The following NRSN1 variants were observed in gnomAD, a reference collection of about 807,000 sequenced individuals.
NRSN1 encodes neurensin 1.
NRSN1 carries 14 observed loss-of-function variants against 17.3 expected under a neutral mutation model. That is an observed-to-expected ratio of 0.81 (90% CI 0.54 to 1.27). The LOEUF (loss-of-function observed/expected upper bound fraction) is 1.27, where lower values mean the gene tolerates loss of function less well. Among genes scored for constraint, NRSN1 ranks in the 50% most tolerant of loss-of-function variants. The pLI, the probability that NRSN1 is intolerant of heterozygous loss-of-function variation, is 0.00. For missense variants in NRSN1, 209 were observed against 235.9 expected (o/e 0.89, Z 0.75); for synonymous variants, 79 against 94.2 (o/e 0.84, Z 0.93).
Position 24,146,088 on chromosome 6 carries a change from C to A in NRSN1, c.*142C>A. 1.1e-6 allele frequency: 1 copy of A among 878,658 alleles called. No individual in the cohort carries two copies. The highest frequency in any genetic ancestry group is 1.9e-6 in the Non-Finnish European group (1 of 521,738). 54.4% of individuals were successfully genotyped at this position (878,658 alleles called of 1,614,324 possible). A position where few individuals can be genotyped will look rare whatever the true frequency, so the allele number is the denominator to read the frequency against. On this transcript the variant is annotated 3_prime_UTR_variant, in exon 4 of 4. Transcript: ENST00000378491. ...GGGCAATATAATGGGTGGACTCACA[C>A]TTGCTCAGTTCAGGCAGCTCTGCTG...
At chr6:24,127,982 A>G (rs1486719158) in intron 1 of NRSN1, 146 bp from the exon 2 acceptor site, 4 of 152,222 alleles carry the variant, frequency 2.6e-5, no homozygotes, top group African/African-American at 9.6e-5. Flanking sequence ...TTTGTTTTTT[A>G]GAAAGCTATC....
rs147031514 is a variant in NRSN1 at position 24,137,263 on chromosome 6, A to T, written c.189+2747A>T. Among the ~76,000 whole-genome samples, 555 of 152,332 alleles carry T rather than the reference A, an allele frequency of 3.6e-3. 1 individual carries two copies. The highest frequency in any genetic ancestry group is 5.7e-3 in the Non-Finnish European group (385 of 68,034). On this transcript the variant is annotated intron_variant, in intron 3 of 3. Transcript: ENST00000378491. ...AGGAGATTGAAATCAAATGGGTCTGAGTTAGAATCTTTATTGCATGCATCT... is the reference window on the plus strand; with the variant it reads ...AGGAGATTGAAATCAAATGGGTCTGTGTTAGAATCTTTATTGCATGCATCT...
At chr6:24,135,759 T>C (rs1007972767) in intron 3 of NRSN1, among the ~76,000 whole-genome samples, 1 of 152,170 alleles carries the variant, frequency 6.6e-6, no homozygotes, top group East Asian at 1.9e-4. Context: ...ATAGAATCTA[T>C]ACAAGGCACT....
chr6:24,139,662 T>C (rs1226513677), intron 3 of NRSN1, among the ~76,000 whole-genome samples: 1 of 151,810 alleles, frequency 6.6e-6, no homozygotes, highest in Non-Finnish European at 1.5e-5. Context: ...CAGGCTGGAG[T>C]TGGAGGTTTG....
intron 3 of NRSN1, among the ~76,000 whole-genome samples, chr6:24,136,996 A>T (rs57625244): frequency 0.072 from 10,957 of 152,258 alleles, 544 homozygotes; most frequent in East Asian, 0.17. Context: ...TTGTACCAAC[A>T]CAGGAAAAAG....
Position 24,145,238 on chromosome 6 carries a change from G to C in NRSN1, c.190-310G>C, listed in dbSNP as rs151151288. On this transcript the variant is annotated intron_variant, in intron 3 of 3. Coordinates refer to ENST00000378491, the MANE Select transcript of NRSN1 (RefSeq NM_080723.5). The surrounding 1 kb of genome is among the most constrained non-coding windows in gnomAD (Gnocchi z 4.4). Reference sequence around the variant, plus strand: ...AATATAAAGATTATATATATCTTTAGATAATATAAAGATTATATATATATC... The same window carrying C: ...AATATAAAGATTATATATATCTTTACATAATATAAAGATTATATATATATC... 7.0e-3 allele frequency among the ~76,000 whole-genome samples: 1,005 copies of C among 143,912 alleles called. 14 individuals carry two copies. The highest frequency in any genetic ancestry group is 0.023 in the African/African-American group (904 of 39,388). 94.4% of individuals were successfully genotyped at this position (143,912 alleles called of 152,430 possible).
chr6:24,143,482 G>A (rs1347190891), intron 3 of NRSN1, among the ~76,000 whole-genome samples: 1 of 152,136 alleles, frequency 6.6e-6, no homozygotes, highest in Non-Finnish European at 1.5e-5. Flanking sequence ...TGATAGATTT[G>A]TGGATACGTT....
intron 3 of NRSN1, among the ~76,000 whole-genome samples, chr6:24,139,603 T>G (rs1760170083): frequency 6.6e-6 from 1 of 152,190 alleles, no homozygotes; most frequent in African/African-American, 2.4e-5. Flanking sequence ...TTTCTGTAGA[T>G]TTTCCTGTTG....
Position 24,147,284 on chromosome 6 carries a change from T to C in NRSN1, c.*1338T>C, listed in dbSNP as rs1581555220. 6.6e-6 allele frequency: 1 copy of C among 152,298 alleles called. No individual in the cohort carries two copies. The highest frequency in any genetic ancestry group is 1.9e-4 in the East Asian group (1 of 5,186). 9.4% of individuals were successfully genotyped at this position (152,298 alleles called of 1,614,324 possible). A position where few individuals can be genotyped will look rare whatever the true frequency, so the allele number is the denominator to read the frequency against. ...CATCACTTGCACTTTTGTTTTAATGTATGGATTCAGATTAGACTGAGAAAA... is the reference window on the plus strand; with the variant it reads ...CATCACTTGCACTTTTGTTTTAATGCATGGATTCAGATTAGACTGAGAAAA... On this transcript the variant is annotated 3_prime_UTR_variant, in exon 4 of 4. Coordinates refer to ENST00000378491, the MANE Select transcript of NRSN1 (RefSeq NM_080723.5).
At chr6:24,135,231 CAG>C (rs1760098778) in intron 3 of NRSN1, among the ~76,000 whole-genome samples, 3 of 152,106 alleles carry the variant, frequency 2.0e-5, no homozygotes, top group Non-Finnish European at 4.4e-5. Context: ...CTATGGATGA[CAG>C]GGGGTGATGG....
rs187460886 is a variant in NRSN1 at position 24,132,444 on chromosome 6, A to G, written c.-9-1875A>G. Among the ~76,000 whole-genome samples the G allele has an allele frequency of 2.0e-3, 305 of 152,320 alleles. 2 individuals carry two copies. The South Asian group carries it at 0.033, about 17-fold the overall frequency. On this transcript the variant is annotated intron_variant, in intron 2 of 3. Transcript: ENST00000378491. ...CCTCTGTTGGCCTGGATTACAGCAC[A>G]AGCTCTGAGAAAACCTGGCTTAATA...
intron 3 of NRSN1, among the ~76,000 whole-genome samples, chr6:24,139,991 G>A (rs1760177096): frequency 1.3e-5 from 2 of 152,214 alleles, no homozygotes; most frequent in Admixed American, 1.3e-4. Flanking sequence ...AGCAAAGCAG[G>A]TTGACAGTGA....
chr6:24,136,180 T>C (rs913388740), intron 3 of NRSN1, among the ~76,000 whole-genome samples: 1 of 152,222 alleles, frequency 6.6e-6, no homozygotes, highest in African/African-American at 2.4e-5. Flanking sequence ...TTAAATGAGA[T>C]AGTATTTACA....
chr6:24,144,179 C>T (rs1760262912), intron 3 of NRSN1, among the ~76,000 whole-genome samples: 1 of 152,208 alleles, frequency 6.6e-6, no homozygotes, highest in Non-Finnish European at 1.5e-5. Flanking sequence ...TGGGGATCAG[C>T]TCTGTGGGTT....
chr6:24,145,658 G>C lies in NRSN1; in HGVS notation c.300G>C (p.Val100=). The change falls in exon 4 of 4, where the codon GTG becomes GTC. Residue 100 remains valine, a synonymous_variant. Coordinates refer to ENST00000378491, the MANE Select transcript of NRSN1 (RefSeq NM_080723.5). The surrounding 1 kb of genome is among the most constrained non-coding windows in gnomAD (Gnocchi z 4.4). ...IEAFGEADFV[V]VDTHAVQFNS... ...CATTTGGCGAAGCCGATTTTGTGGT[G>C]GTCGACACACATGCTGTCCAGTTTA... The C allele has an allele frequency of 6.2e-7, 1 of 1,614,112 alleles. No individual in the cohort carries two copies. The highest frequency in any genetic ancestry group is 8.5e-7 in the Non-Finnish European group (1 of 1,179,980).
intron 3 of NRSN1, chr6:24,141,331 A>G (rs1318073584): frequency 1.8e-6 from 2 of 1,088,384 alleles, no homozygotes; most frequent in African/African-American, 1.6e-5. Context: ...AGTACTCAGC[A>G]TGGTACCAAG....
rs764026713 is a variant in NRSN1 at position 24,145,661 on chromosome 6, C to G, written c.303C>G (p.Val101=). ...EAFGEADFVV[V]DTHAVQFNSA... ...TTGGCGAAGCCGATTTTGTGGTGGT[C>G]GACACACATGCTGTCCAGTTTAACA... The change falls in exon 4 of 4, where the codon GTC becomes GTG. Residue 101 remains valine, a synonymous_variant. Coordinates refer to ENST00000378491, the MANE Select transcript of NRSN1 (RefSeq NM_080723.5). This position sits in a 1 kb window ranked among gnomAD's most constrained non-coding sequence, Gnocchi z 4.4. 1 of 1,614,014 alleles carries G rather than the reference C, an allele frequency of 6.2e-7. No individual in the cohort carries two copies. Among genetic ancestry groups the G allele is most frequent in the East Asian group, 2.2e-5 (1 of 44,872 alleles).
chr6:24,142,402 G>T (rs182199070), intron 3 of NRSN1, among the ~76,000 whole-genome samples: 118 of 152,056 alleles, frequency 7.8e-4, no homozygotes, highest in African/African-American at 2.7e-3. Flanking sequence ...ACACAGATCT[G>T]GGTTAGAACT....
rs1427648183 is a variant in NRSN1 at position 24,145,605 on chromosome 6, G to A, written c.247G>A (p.Gly83Ser). 3 of 1,612,896 alleles carry A rather than the reference G, an allele frequency of 1.9e-6. No individual in the cohort carries two copies. Among genetic ancestry groups the A allele is most frequent in the Non-Finnish European group, 2.5e-6 (3 of 1,179,344 alleles). Residue 83 changes from glycine (G) to serine (S), a missense_variant, in exon 4 of 4, where the codon GGC (glycine) becomes AGC (serine). Gly to Ser is a moderately conservative substitution (Grantham distance 56). Transcript: ENST00000378491. This position sits in a 1 kb window ranked among gnomAD's most constrained non-coding sequence, Gnocchi z 4.4. Reference protein sequence around the residue: ...VILGLTVLAVGFLVPPKIEAF... With the variant: ...VILGLTVLAVSFLVPPKIEAF... ...CCTCGGATTGACTGTTCTGGCAGTG[G>A]GCTTTCTTGTGCCCCCCAAAATCGA...
Sources: allele counts gnomAD v4.1 joint callset (sites outside exome capture counted in the v4.1 genomes callset), GRCh38; gene constraint gnomAD v4.1.1; non-coding constraint Gnocchi (gnomAD v3.1); transcripts MANE v1.5; gene names NCBI Gene and HGNC (gene_info 2026-07-23, HGNC 2026-07-21).